The following AMPH variants were observed in gnomAD, a reference collection of about 807,000 sequenced individuals.
AMPH encodes amphiphysin (Stiff-Mann syndrome with breast cancer 128kD autoantigen).
AMPH carries 49 observed loss-of-function variants against 99.1 expected under a neutral mutation model. That is an observed-to-expected ratio of 0.49 (90% CI 0.39 to 0.63). The LOEUF is 0.63. Ranked by LOEUF, AMPH falls within the 20% of genes least tolerant of loss-of-function variation. AMPH has a pLI of 0.00. For synonymous variants in AMPH, 314 were observed against 317.3 expected, an observed-to-expected ratio of 0.99 and a Z score of 0.11; for missense variants, 759 against 863.4, an observed-to-expected ratio of 0.88 and a Z score of 1.52.
In AMPH at chr7:38,631,269, C is replaced by A. The variant is rs1794454182; in HGVS notation, c.69+14G>T. On this transcript the variant is annotated intron_variant, in intron 1 of 20. Transcript: ENST00000356264. The stretch of plus-strand genomic sequence containing the variant: ...TGGCGTCCCCGGCCCCAGCCCCGGC[C>A]GCCCGCCGCTGACCTTTTCCTGCGC... 10 of 1,515,168 alleles carry A rather than the reference C, an allele frequency of 6.6e-6. No individual in the cohort carries two copies. Among genetic ancestry groups the A allele is most frequent in the Admixed American group, 2.1e-5 (1 of 47,654 alleles). The allele number at this position is 1,515,168 out of a possible 1,614,324, so 93.9% of individuals were successfully genotyped here.
chr7:38,626,469 T>A (rs1794245603), intron 1 of AMPH, among the ~76,000 whole-genome samples: 1 of 152,166 alleles, frequency 6.6e-6, no homozygotes, highest in South Asian at 2.1e-4. Context: ...TACTAAATGG[T>A]GCTCGGAAAA....
At chr7:38,594,082 G>C (rs561184741) in intron 1 of AMPH, among the ~76,000 whole-genome samples, 1 of 152,250 alleles carries the variant, frequency 6.6e-6, no homozygotes, top group Non-Finnish European at 1.5e-5. Flanking sequence ...AGGGGGTCAC[G>C]GGAAGAAGCA....
chr7:38,622,040 C>T (rs370971766), intron 1 of AMPH, among the ~76,000 whole-genome samples: 37 of 152,274 alleles, frequency 2.4e-4, no homozygotes, highest in African/African-American at 8.4e-4. Flanking sequence ...TATAGATGGT[C>T]TTACTATATT....
At chr7:38,555,734 T>C (rs1288607513) in intron 1 of AMPH, among the ~76,000 whole-genome samples, 1 of 152,226 alleles carries the variant, frequency 6.6e-6, no homozygotes, top group Non-Finnish European at 1.5e-5. Flanking sequence ...TATGAGCAAG[T>C]ATGTTTCCAC....
At chr7:38,472,434 G>C (rs539446017) in intron 7 of AMPH, among the ~76,000 whole-genome samples, 1 of 152,160 alleles carries the variant, frequency 6.6e-6, no homozygotes, top group Admixed American at 6.5e-5. Flanking sequence ...GCTACCTTTA[G>C]GATTTACAAG....
chr7:38,485,362 A>G (rs974751989), intron 5 of AMPH, among the ~76,000 whole-genome samples: 5 of 151,968 alleles, frequency 3.3e-5, no homozygotes, highest in African/African-American at 1.2e-4. Context: ...TAAATTCCAA[A>G]ACTGTCACAA....
chr7:38,430,507 T>A (rs1417550267), intron 13 of AMPH, among the ~76,000 whole-genome samples: 1 of 152,208 alleles, frequency 6.6e-6, no homozygotes, highest in Non-Finnish European at 1.5e-5. Flanking sequence ...TCCTAGCAAG[T>A]TTGTCCTCTG....
At chr7:38,464,590 A>G (rs1787580019) in intron 9 of AMPH, among the ~76,000 whole-genome samples, 1 of 152,200 alleles carries the variant, frequency 6.6e-6, no homozygotes, top group Non-Finnish European at 1.5e-5. Context: ...AAGTGTTTGT[A>G]TTAAAATGGC....
intron 1 of AMPH, among the ~76,000 whole-genome samples, chr7:38,626,080 A>C (rs1373244925): frequency 6.6e-6 from 1 of 152,254 alleles, no homozygotes; most frequent in Admixed American, 6.5e-5. Flanking sequence ...TTTTTGAGAA[A>C]TCTCATGGTT....
chr7:38,443,660 T>C (rs574075173), intron 11 of AMPH, among the ~76,000 whole-genome samples: 1 of 152,116 alleles, frequency 6.6e-6, no homozygotes, highest in East Asian at 1.9e-4. Context: ...AATTCCTGTT[T>C]AAAACTCTTT....
At chr7:38,525,920 T>C (rs1790169179) in intron 2 of AMPH, among the ~76,000 whole-genome samples, 1 of 152,160 alleles carries the variant, frequency 6.6e-6, no homozygotes, top group African/African-American at 2.4e-5. Flanking sequence ...TTGTGAACAA[T>C]TTTTTTGTGA....
intron 1 of AMPH, among the ~76,000 whole-genome samples, chr7:38,592,184 C>A (rs1182759898): frequency 6.6e-6 from 1 of 152,230 alleles, no homozygotes; most frequent in East Asian, 1.9e-4. Flanking sequence ...GTTTGTGATT[C>A]AGGAATGCCT....
intron 1 of AMPH, among the ~76,000 whole-genome samples, chr7:38,598,650 A>T (rs555600454): frequency 6.6e-6 from 1 of 152,246 alleles, no homozygotes; most frequent in South Asian, 2.1e-4. Context: ...CCAATTTATA[A>T]TTTATATTTT....
At chr7:38,577,776 AAG>A (rs1792301098) in intron 1 of AMPH, among the ~76,000 whole-genome samples, 1 of 151,266 alleles carries the variant, frequency 6.6e-6, no homozygotes, top group African/African-American at 2.4e-5. Flanking sequence ...AAGGGAGAGA[AAG>A]AGAAGGAGGA....
intron 1 of AMPH, among the ~76,000 whole-genome samples, chr7:38,630,802 C>G (rs1230714523): frequency 6.6e-6 from 1 of 152,204 alleles, no homozygotes; most frequent in African/African-American, 2.4e-5. Context: ...TAAGTAGCCA[C>G]AAAATCCCCC....
chr7:38,538,057 T>A (rs1584220800), intron 1 of AMPH, among the ~76,000 whole-genome samples: 1 of 152,274 alleles, frequency 6.6e-6, no homozygotes, highest in East Asian at 1.9e-4. Context: ...CATTAAAAAT[T>A]TGTTTTCACA....
chr7:38,429,226 C>T (rs764842386), intron 14 of AMPH: 4 of 1,287,948 alleles, frequency 3.1e-6, no homozygotes, highest in Admixed American at 2.3e-5. Context: ...TCCACACAAG[C>T]AGCAATGGCA....
intron 17 of AMPH, among the ~76,000 whole-genome samples, chr7:38,398,191 AAAAAC>A (rs781495428): frequency 0.046 from 6,901 of 149,588 alleles, 195 homozygotes; most frequent in East Asian, 0.15. Flanking sequence ...TCAAAAAAAA[AAAAAC>A]AAAAAAAAAA....
At chr7:38,480,421 C>T (rs1788244670) in intron 5 of AMPH, among the ~76,000 whole-genome samples, 1 of 152,064 alleles carries the variant, frequency 6.6e-6, no homozygotes, top group Admixed American at 6.6e-5. Flanking sequence ...CAATCTCATC[C>T]CTGCTTCTCA....
Sources: allele counts gnomAD v4.1 joint callset (sites outside exome capture counted in the v4.1 genomes callset), GRCh38; gene constraint gnomAD v4.1.1; transcripts MANE v1.5; gene names NCBI Gene and HGNC (gene_info 2026-07-23, HGNC 2026-07-21).